Variants in NR1H4 observed in about 807,000 individuals in gnomAD.
The protein encoded by NR1H4 is bile acid receptor.
Under a neutral mutation model 58.5 loss-of-function variants are expected in NR1H4, and 23 were observed. That is an observed-to-expected ratio of 0.39 (90% CI 0.28 to 0.56). NR1H4 has a LOEUF of 0.56. NR1H4 is among the 20% of genes least tolerant of loss of function. The pLI is 0.58. For synonymous variants in NR1H4, 214 were observed against 198.0 expected (o/e 1.08, Z -0.68); for missense variants, 487 against 576.9 (o/e 0.84, Z 1.60).
At chr12:100,553,113 C>G (rs972076721) in intron 9 of NR1H4, among the ~76,000 whole-genome samples, 1 of 152,132 alleles carries the variant, frequency 6.6e-6, no homozygotes, top group Admixed American at 6.5e-5. Flanking sequence ...ATTCTCCTGC[C>G]TCAGCCTCCT....
chr12:100,537,775 A>G (rs12229049), intron 8 of NR1H4, among the ~76,000 whole-genome samples: 8,880 of 152,250 alleles, frequency 0.058, 796 homozygotes, highest in East Asian at 0.44. Flanking sequence ...GTGCAATGGC[A>G]TGATCTTGGC....
chr12:100,498,584 G>A (rs2089298743), intron 3 of NR1H4, among the ~76,000 whole-genome samples: 1 of 151,810 alleles, frequency 6.6e-6, no homozygotes, highest in East Asian at 1.9e-4. Context: ...GTTACAATGA[G>A]ATGGGCGACA....
chr12:100,508,079 G>GT (rs1482471637), intron 3 of NR1H4, among the ~76,000 whole-genome samples: 1 of 151,898 alleles, frequency 6.6e-6, no homozygotes, highest in Non-Finnish European at 1.5e-5. Context: ...TAAATGGCAT[G>GT]TAACTAGATT....
intron 4 of NR1H4, among the ~76,000 whole-genome samples, chr12:100,521,996 T>G (rs1222752658): frequency 6.6e-6 from 1 of 152,138 alleles, no homozygotes; most frequent in East Asian, 1.9e-4. Flanking sequence ...AACAACATGC[T>G]TTCCAATCCC....
intron 9 of NR1H4, among the ~76,000 whole-genome samples, chr12:100,553,661 AG>A (rs758157823): frequency 1.1e-4 from 17 of 152,352 alleles, no homozygotes; most frequent in Non-Finnish European, 2.4e-4. Context: ...ACCCAGAGGA[AG>A]GGTGACAGCA....
At chr12:100,558,321 C>T (rs1226632556) in intron 9 of NR1H4, among the ~76,000 whole-genome samples, 1 of 146,060 alleles carries the variant, frequency 6.8e-6, no homozygotes, top group Non-Finnish European at 1.5e-5. Context: ...TGCACTCCAG[C>T]CTGGGCAACA....
At position 100,503,255 on chromosome 12, in the gene NR1H4, G is replaced by T. The variant is rs1953876633; in HGVS notation, c.80-7523G>T. 5.2e-6 allele frequency: 6 copies of T among 1,157,826 alleles called. No homozygotes were observed. The South Asian group carries it at 1.0e-4, about 19-fold the overall frequency. The allele number at this position is 1,157,826 out of a possible 1,614,324, so 71.7% of individuals were successfully genotyped here. ...GGTTTCCAGCTTACTAGGCAATTTG[G>T]CATTAAGAACTTTCCTCATAAACAT... On this transcript the variant is annotated intron_variant, in intron 3 of 10. Transcript: ENST00000392986.
chr12:100,520,766 A>G (rs1593087484), intron 4 of NR1H4, among the ~76,000 whole-genome samples: 1 of 152,218 alleles, frequency 6.6e-6, no homozygotes, highest in African/African-American at 2.4e-5. Flanking sequence ...AAGTCTTACA[A>G]GGGCATCTCT....
intron 3 of NR1H4, among the ~76,000 whole-genome samples, chr12:100,506,044 G>C (rs12423222): frequency 0.026 from 2,750 of 104,166 alleles, 51 homozygotes; most frequent in African/African-American, 0.083. Flanking sequence ...CACACACACA[G>C]AGAGAGAGAG....
chr12:100,554,908 C>T (rs1445222382), intron 9 of NR1H4, among the ~76,000 whole-genome samples: 2 of 152,142 alleles, frequency 1.3e-5, no homozygotes, highest in Admixed American at 1.3e-4. Flanking sequence ...GACTCTAATT[C>T]CAAAAGTAGA....
At chr12:100,509,636 G>A (rs895516354) in intron 3 of NR1H4, among the ~76,000 whole-genome samples, 1 of 152,162 alleles carries the variant, frequency 6.6e-6, no homozygotes, top group Non-Finnish European at 1.5e-5. Flanking sequence ...AGACATTAAG[G>A]AATTGCCAGC....
At chr12:100,554,686 T>C (rs1387796896) in intron 9 of NR1H4, among the ~76,000 whole-genome samples, 1 of 152,174 alleles carries the variant, frequency 6.6e-6, no homozygotes, top group African/African-American at 2.4e-5. Context: ...GTAGTTAAGT[T>C]AGAAAATAGC....
At chr12:100,525,991 G>C (rs1381072656) in intron 4 of NR1H4, among the ~76,000 whole-genome samples, 1 of 151,988 alleles carries the variant, frequency 6.6e-6, no homozygotes, top group Non-Finnish European at 1.5e-5. Flanking sequence ...TCTGATATTG[G>C]TAATTTGTGT....
intron 4 of NR1H4, among the ~76,000 whole-genome samples, chr12:100,531,692 T>C (rs987371159): frequency 6.6e-6 from 1 of 152,056 alleles, no homozygotes; most frequent in South Asian, 2.1e-4. Flanking sequence ...GTTAGTCAGA[T>C]GGAGGAGAAA....
chr12:100,508,252 G>A (rs1289378106), intron 3 of NR1H4, among the ~76,000 whole-genome samples: 3 of 152,128 alleles, frequency 2.0e-5, no homozygotes, highest in African/African-American at 4.8e-5. Context: ...GAAGCAGCAG[G>A]TGGGAGAAGT....
chr12:100,508,014 G>A (rs1012114635), intron 3 of NR1H4, among the ~76,000 whole-genome samples: 1 of 151,938 alleles, frequency 6.6e-6, no homozygotes, highest in Admixed American at 6.6e-5. Flanking sequence ...CTAGGGTGGA[G>A]TCTTCTCTTT....
At chr12:100,528,001 G>A (rs1369343157) in intron 4 of NR1H4, among the ~76,000 whole-genome samples, 4 of 152,110 alleles carry the variant, frequency 2.6e-5, no homozygotes, top group Non-Finnish European at 5.9e-5. Context: ...AGCGGAGACA[G>A]ACCTAGAAGC....
chr12:100,534,479 A>G (rs1954768823), intron 5 of NR1H4, among the ~76,000 whole-genome samples: 1 of 152,252 alleles, frequency 6.6e-6, no homozygotes, highest in Non-Finnish European at 1.5e-5. Context: ...CAATTTTCAC[A>G]GTCCCCTAGA....
chr12:100,523,003 G>A (rs1954465288), intron 4 of NR1H4, among the ~76,000 whole-genome samples: 1 of 152,128 alleles, frequency 6.6e-6, no homozygotes, highest in South Asian at 2.1e-4. Context: ...TGTGAATTGG[G>A]TTGCAATAAA....
Sources: gnomAD v4.1 joint callset for allele counts (sites outside exome capture counted in the v4.1 genomes callset) on GRCh38, gnomAD v4.1.1 for gene constraint, MANE v1.5 for transcripts, NCBI Gene and HGNC (gene_info 2026-07-23, HGNC 2026-07-21) for gene names.